The following LCP2 variants were observed in gnomAD, a reference collection of about 807,000 sequenced individuals.
LCP2 encodes 76 kDa tyrosine phosphoprotein.
In LCP2, 29 loss-of-function variants were observed where a neutral mutation model predicts 74.5. The ratio of observed to expected loss-of-function variants is 0.39; its 90% CI spans 0.29 to 0.53. LCP2 has a LOEUF of 0.53. Among genes scored for constraint, LCP2 ranks in the 20% least tolerant of loss-of-function variants. The pLI, the probability that LCP2 is intolerant of heterozygous loss-of-function variation, is 0.72. For missense variants in LCP2, 604 were observed against 634.6 expected, an observed-to-expected ratio of 0.95 and a Z score of 0.52; for synonymous variants, 228 against 229.5, an observed-to-expected ratio of 0.99 and a Z score of 0.06.
At chr5:170,262,435 G>A (rs1397094318) in intron 13 of LCP2, among the ~76,000 whole-genome samples, 200 bp downstream of exon 13, 1 of 152,206 alleles carries the variant, frequency 6.6e-6, no homozygotes. Flanking sequence ...TCATTTCTCA[G>A]TAGAGTCCAT....
chr5:170,293,424 G>T (rs559733475), intron 1 of LCP2, 52 bp from the exon 2 acceptor site: 9 of 1,523,806 alleles, frequency 5.9e-6, no homozygotes, highest in East Asian at 2.4e-5. Flanking sequence ...TCTTACCATT[G>T]GTTCCTCTCC....
chr5:170,273,012 T>G (rs59104386), intron 6 of LCP2, among the ~76,000 whole-genome samples: 1 of 149,740 alleles, frequency 6.7e-6, no homozygotes, highest in East Asian at 1.9e-4. Flanking sequence ...GCCTGATTCA[T>G]GAATCACTGT....
chr5:170,248,523 GGGATAGTT>G lies in LCP2; in HGVS notation c.*166_*173del. ...CATTGAAGAAGAATAAATAAATTAT[GGGATAGTT>G]GACAGTCTTCATTTCAAACACTGTT... On this transcript the variant is annotated 3_prime_UTR_variant, in exon 21 of 21. Coordinates refer to ENST00000046794, the MANE Select transcript of LCP2 (RefSeq NM_005565.5). The G allele has an allele frequency of 1.5e-6, 1 of 649,718 alleles. No homozygotes were observed. The highest frequency in any genetic ancestry group is 2.7e-6 in the Non-Finnish European group (1 of 371,218). 40.2% of individuals were successfully genotyped at this position (649,718 alleles called of 1,614,324 possible). A position where few individuals can be genotyped will look rare whatever the true frequency, so the allele number is the denominator to read the frequency against.
chr5:170,290,658 C>A (rs190762840), intron 2 of LCP2, among the ~76,000 whole-genome samples: 18 of 152,286 alleles, frequency 1.2e-4, no homozygotes, highest in African/African-American at 4.1e-4. Flanking sequence ...CTTTTTCCAT[C>A]GGTTAGATGA....
chr5:170,291,222 G>A (rs558766086), intron 2 of LCP2, among the ~76,000 whole-genome samples: 4 of 128,092 alleles, frequency 3.1e-5, no homozygotes, highest in African/African-American at 1.4e-4. Flanking sequence ...AGGAAGGAAG[G>A]AAGAAAGGAA....
At chr5:170,270,111 G>C (rs1449860309) in intron 7 of LCP2, among the ~76,000 whole-genome samples, 1 of 152,136 alleles carries the variant, frequency 6.6e-6, no homozygotes, top group Non-Finnish European at 1.5e-5. Flanking sequence ...CAGGAGGCAG[G>C]GGCTATTTCT....
rs1761340063 is a variant in LCP2 at position 170,248,109 on chromosome 5, A to G, written c.*588T>C. The G allele has an allele frequency of 1.3e-5, 2 of 152,356 alleles. No homozygotes were observed. Among genetic ancestry groups the G allele is most frequent in the African/African-American group, 2.4e-5 (1 of 41,472 alleles). The allele number at this position is 152,356 out of a possible 1,614,324, so 9.4% of individuals were successfully genotyped here. On this transcript the variant is annotated 3_prime_UTR_variant, in exon 21 of 21. Transcript: ENST00000046794. ...TAAAGCAAAAGACTATTTTAATCCC[A>G]GAAGTTATCTCAACATGCATTTGTC...
intron 15 of LCP2, 81 bp from the exon 16 acceptor site, chr5:170,258,247 TA>T: frequency 7.1e-7 from 1 of 1,416,668 alleles, no homozygotes. Context: ...GCCCCCCAGT[TA>T]GAAACAGCTA....
chr5:170,255,647 C>G (rs936496775), intron 17 of LCP2, among the ~76,000 whole-genome samples: 1 of 152,152 alleles, frequency 6.6e-6, no homozygotes, highest in African/African-American at 2.4e-5. Flanking sequence ...AAGTGCCTAC[C>G]AAGTGCCTGT....
At chr5:170,274,231 C>G in intron 6 of LCP2, 70 bp downstream of exon 6, 1 of 1,528,300 alleles carries the variant, frequency 6.5e-7, no homozygotes, top group South Asian at 1.2e-5. Flanking sequence ...TGGCTCCATC[C>G]TGGCTCCTTA....
intron 2 of LCP2, among the ~76,000 whole-genome samples, chr5:170,289,985 C>T (rs944341453): frequency 6.6e-6 from 1 of 152,014 alleles, no homozygotes; most frequent in East Asian, 1.9e-4. Context: ...AGGAGGTGGA[C>T]ATGAGCCTGG....
At chr5:170,273,997 C>G (rs184878855) in intron 6 of LCP2, 2 of 419,716 alleles carry the variant, frequency 4.8e-6, no homozygotes, top group Non-Finnish European at 8.8e-6. Flanking sequence ...CACGTGCAGC[C>G]TACCCTCTGT....
chr5:170,250,713 A>T lies in LCP2; in HGVS notation c.1479+17T>A. 6.2e-7 allele frequency: 1 copy of T among 1,610,020 alleles called. No homozygotes were observed. Among genetic ancestry groups the T allele is most frequent in the South Asian group, 1.1e-5 (1 of 90,974 alleles). On this transcript the variant is annotated intron_variant, in intron 20 of 20. Coordinates refer to ENST00000046794, the MANE Select transcript of LCP2 (RefSeq NM_005565.5). Reference sequence around the variant, plus strand: ...AAATAAAGACTTTGGGAAAATGTCGAAATTTGAAATCCTTACCTCTTTCCC... The same window carrying T: ...AAATAAAGACTTTGGGAAAATGTCGTAATTTGAAATCCTTACCTCTTTCCC...
rs771539292 is a variant in LCP2, at chr5:170,297,621, C to A, written c.-10G>T. On this transcript the variant is annotated 5_prime_UTR_variant, in exon 1 of 21. Coordinates refer to ENST00000046794, the MANE Select transcript of LCP2 (RefSeq NM_005565.5). Reference sequence around the variant, plus strand: ...CATTCCTCAGTGCCATGGCTGCTCTCCCGGGAAGAAGCTCACAAGCTGAGC... The same window carrying A: ...CATTCCTCAGTGCCATGGCTGCTCTACCGGGAAGAAGCTCACAAGCTGAGC... The A allele has an allele frequency of 1.9e-5, 30 of 1,605,366 alleles. No individual in the cohort carries two copies. Among genetic ancestry groups the A allele is most frequent in the Non-Finnish European group, 5.1e-6 (6 of 1,175,678 alleles).
chr5:170,283,974 G>T (rs1046916859), intron 3 of LCP2, among the ~76,000 whole-genome samples: 1 of 152,198 alleles, frequency 6.6e-6, no homozygotes, highest in African/African-American at 2.4e-5. Context: ...TAATTGTAGT[G>T]TAATTGCTTT....
intron 6 of LCP2, 67 bp downstream of exon 6, chr5:170,274,234 G>T (rs1761946669): frequency 1.3e-6 from 2 of 1,536,216 alleles, no homozygotes; most frequent in African/African-American, 2.7e-5. Flanking sequence ...CTCCATCCTG[G>T]CTCCTTATCA....
Position 170,256,479 on chromosome 5 carries a change from TA to T in LCP2, c.1150+46del. 1 of 1,512,908 alleles carries T rather than the reference TA, an allele frequency of 6.6e-7. No individual in the cohort carries two copies. The highest frequency in any genetic ancestry group is 9.2e-7 in the Non-Finnish European group (1 of 1,088,072). 93.7% of individuals were successfully genotyped at this position (1,512,908 alleles called of 1,614,324 possible). A position where few individuals can be genotyped will look rare whatever the true frequency, so the allele number is the denominator to read the frequency against. ...TTGGGACAGGTTAGGGATCCAGTCA[TA>T]AAGGCTTGATGGCTGAAGCACGTCA... On this transcript the variant is annotated intron_variant, in intron 17 of 20. Coordinates refer to ENST00000046794, the MANE Select transcript of LCP2 (RefSeq NM_005565.5). This position sits in a 1 kb window ranked among gnomAD's most constrained non-coding sequence, Gnocchi z 4.5.
chr5:170,291,226 A>AAGGAAGGAAGGAAGGAAGGAAGAAAGG (rs1561979324), intron 2 of LCP2, among the ~76,000 whole-genome samples: 9 of 52,984 alleles, frequency 1.7e-4, no homozygotes, highest in African/African-American at 6.1e-4. Flanking sequence ...AGGAAGGAAG[A>AAGGAAGGAAGGAAGGAAGGAAGAAAGG]AAGGAAGGAA....
intron 19 of LCP2, chr5:170,251,357 T>TAGATAGTCTTTCCTTCATCAGACCA (rs1423294808): frequency 9.4e-6 from 2 of 212,848 alleles, no homozygotes; most frequent in Non-Finnish European, 2.0e-5. Flanking sequence ...CTGTGATCTC[T>TAGATAGTCTTTCCTTCATCAGACCA]AGATAGTCTT....
Sources: allele counts gnomAD v4.1 joint callset (sites outside exome capture counted in the v4.1 genomes callset), GRCh38; gene constraint gnomAD v4.1.1; non-coding constraint Gnocchi (gnomAD v3.1); transcripts MANE v1.5; gene names NCBI Gene and HGNC (gene_info 2026-07-23, HGNC 2026-07-21).